ZBTB45: variants seen among roughly 807,000 people sequenced by gnomAD.
ZBTB45 encodes the protein zinc finger and BTB domain-containing protein 45.
ZBTB45 carries 22 observed loss-of-function variants against 28.4 expected under a neutral mutation model. The ratio of observed to expected loss-of-function variants is 0.77; its 90% CI spans 0.55 to 1.10. The LOEUF (loss-of-function observed/expected upper bound fraction) is 1.10, where lower values mean the gene tolerates loss of function less well. Ranked by LOEUF, ZBTB45 falls within the 50% of genes least tolerant of loss-of-function variation. The probability of loss-of-function intolerance (pLI) is 0.00; values close to 1 mark genes in which losing one functional copy is unlikely to be tolerated. For synonymous variants in ZBTB45, 361 were observed against 332.3 expected (o/e 1.09, Z -0.94); for missense variants, 656 against 750.2 (o/e 0.87, Z 1.47).
chr19:58,531,420 C>T (rs746074101), intron 1 of ZBTB45, among the ~76,000 whole-genome samples: 7 of 152,176 alleles, frequency 4.6e-5, no homozygotes, highest in South Asian at 2.1e-4. Context: ...TGTACACTTA[C>T]GGGTTCCCCC....
At chr19:58,517,745 T>C in intron 1 of ZBTB45, 72 bp from the exon 2 acceptor site, 1 of 1,422,748 alleles carries the variant, frequency 7.0e-7, no homozygotes. Flanking sequence ...CCCTGTCCCC[T>C]CACCCCTTGT....
chr19:58,514,015 C>G lies in ZBTB45; in HGVS notation c.*39G>C. 2.9e-6 allele frequency: 4 copies of G among 1,374,318 alleles called. No homozygotes were observed. Among genetic ancestry groups the G allele is most frequent in the Non-Finnish European group, 2.8e-6 (3 of 1,070,368 alleles). 85.1% of individuals were successfully genotyped at this position (1,374,318 alleles called of 1,614,324 possible). ...CGGGCGTGGCCGACTGTGCGGGAGG[C>G]CCCGGATCCACCGTGGGCGAGGCCA... On this transcript the variant is annotated 3_prime_UTR_variant, in exon 3 of 3. Transcript: ENST00000594051.
chr19:58,522,351 G>A (rs1212562544), upstream of ZBTB45, among the ~76,000 whole-genome samples: 3 of 151,014 alleles, frequency 2.0e-5, no homozygotes, highest in Non-Finnish European at 4.4e-5. Flanking sequence ...TAGTAGAGAC[G>A]GTGTTTCACC....
At chr19:58,527,394 T>C (rs372045619) in intron 1 of ZBTB45, among the ~76,000 whole-genome samples, 37 of 152,278 alleles carry the variant, frequency 2.4e-4, no homozygotes, top group African/African-American at 8.2e-4. Flanking sequence ...CTCCATCACC[T>C]CCATGAGATT....
chr19:58,525,363 A>G (rs2053602051), intron 1 of ZBTB45, among the ~76,000 whole-genome samples: 1 of 152,220 alleles, frequency 6.6e-6, no homozygotes, highest in East Asian at 1.9e-4. Context: ...CACTAAGCAT[A>G]TACCTGCAGA....
At chr19:58,536,596 T>C (rs902053895) in intron 1 of ZBTB45, among the ~76,000 whole-genome samples, 7 of 151,926 alleles carry the variant, frequency 4.6e-5, no homozygotes, top group South Asian at 4.1e-4. Flanking sequence ...TGAGCCAAGA[T>C]TGCGCCACTG....
rs1183205742 is a variant in ZBTB45, at chr19:58,514,185, T to A, written c.1405A>T (p.Thr469Ser). ...FQCAVCAKRF[T>S]QKSSLNVHMR... ...TGCACGTTGAGCGAGCTCTTCTGCG[T>A]GAAGCGCTTGGCGCAGACGGCGCAC... is the stretch of plus-strand genomic sequence containing the variant. Residue 469 changes from threonine (T) to serine (S), a missense_variant, in exon 3 of 3, where the codon ACG becomes TCG. Thr to Ser is a moderately conservative substitution (Grantham distance 58). This residue lies in a region of ZBTB45 where 103 missense variants were observed against 153.5 expected (regional missense o/e 0.67). Transcript: ENST00000594051. The A allele has an allele frequency of 1.2e-6, 2 of 1,612,456 alleles. No individual in the cohort carries two copies. The highest frequency in any genetic ancestry group is 8.5e-7 in the Non-Finnish European group (1 of 1,179,596).
rs1196813036 is a variant in ZBTB45, at chr19:58,517,264, G to A, written c.410C>T (p.Pro137Leu). Reference protein sequence around the residue: ...APGTSAPTPLPTPVPPPLAPA... With the variant: ...APGTSAPTPLLTPVPPPLAPA... ...TGCGAGTGGCGGGGGCACAGGGGTGGGCAGGGGCGTGGGCGCAGAGGTGCC... is the reference window on the plus strand; with the variant it reads ...TGCGAGTGGCGGGGGCACAGGGGTGAGCAGGGGCGTGGGCGCAGAGGTGCC... The change falls in exon 2 of 3, where the codon CCC becomes CTC. Residue 137 changes from proline (P) to leucine (L), a missense_variant. Around this residue, in one of 3 missense-constraint regions of ZBTB45, gnomAD observed 448 missense variants for 444.3 expected, o/e 1.01. Coordinates refer to ENST00000594051, the MANE Select transcript of ZBTB45 (RefSeq NM_001316979.2). The A allele has an allele frequency of 1.3e-6, 2 of 1,584,752 alleles. No individual in the cohort carries two copies. Among genetic ancestry groups the A allele is most frequent in the South Asian group, 1.1e-5 (1 of 88,656 alleles).
intron 1 of ZBTB45, among the ~76,000 whole-genome samples, chr19:58,526,089 A>T (rs1161552193): frequency 7.9e-5 from 12 of 152,022 alleles, no homozygotes; most frequent in South Asian, 2.1e-4. Flanking sequence ...TTAGCTGGGC[A>T]TGGTGGCACA....
At chr19:58,535,833 CTCTGGGCTAAGCACAGTGGATGCAG>C (rs1354980202) in intron 1 of ZBTB45, among the ~76,000 whole-genome samples, 2 of 152,164 alleles carry the variant, frequency 1.3e-5, no homozygotes, top group Admixed American at 6.6e-5. Context: ...AAGAAGTGGG[CTCTGGGCTAAGCACAGTGGATGCAG>C]TAGTGAGTAC....
At chr19:58,526,330 C>G (rs1318686539) in intron 1 of ZBTB45, among the ~76,000 whole-genome samples, 1 of 151,922 alleles carries the variant, frequency 6.6e-6, no homozygotes, top group Non-Finnish European at 1.5e-5. Flanking sequence ...CTGCTTCAGC[C>G]TCCTGAGTAG....
intron 1 of ZBTB45, among the ~76,000 whole-genome samples, chr19:58,531,902 G>A (rs747900959): frequency 1.2e-4 from 18 of 152,256 alleles, no homozygotes; most frequent in Non-Finnish European, 1.6e-4. Flanking sequence ...TTCAGGCTCA[G>A]CTAGGACTTT....
intron 2 of ZBTB45, among the ~76,000 whole-genome samples, chr19:58,514,759 C>T (rs1191780121): frequency 6.6e-6 from 1 of 152,172 alleles, no homozygotes; most frequent in Non-Finnish European, 1.5e-5. Context: ...TCCCCCTCAA[C>T]CCCTACCCAC....
At chr19:58,520,848 C>G (rs1220206386), upstream of ZBTB45, among the ~76,000 whole-genome samples, 2 of 150,164 alleles carry the variant, frequency 1.3e-5, no homozygotes, top group African/African-American at 2.5e-5. Flanking sequence ...GTCAGGAGAT[C>G]GAGACCATCC....
Position 58,515,050 on chromosome 19 carries a change from C to T in ZBTB45, c.1280-740G>A, listed in dbSNP as rs1350194505. On this transcript the variant is annotated intron_variant, in intron 2 of 2. Coordinates refer to ENST00000594051, the MANE Select transcript of ZBTB45 (RefSeq NM_001316979.2). This position sits in a 1 kb window ranked among gnomAD's most constrained non-coding sequence, Gnocchi z 4.7. ...TAACAAAATGCCTGTCTCAGCCAGG[C>T]GTGGTGGCTCACACCTGTAATCCCA... 3.3e-5 allele frequency among the ~76,000 whole-genome samples: 5 copies of T among 152,122 alleles called. No individual in the cohort carries two copies. Among genetic ancestry groups the T allele is most frequent in the Non-Finnish European group, 1.5e-5 (1 of 68,026 alleles).
intron 1 of ZBTB45, among the ~76,000 whole-genome samples, chr19:58,537,239 A>C (rs192378317): frequency 6.6e-6 from 1 of 152,062 alleles, no homozygotes; most frequent in Non-Finnish European, 1.5e-5. Context: ...CCATGTGGAC[A>C]ATGGGGCCCC....
intron 1 of ZBTB45, among the ~76,000 whole-genome samples, chr19:58,532,102 A>G (rs2053638231): frequency 6.6e-6 from 1 of 152,050 alleles, no homozygotes; most frequent in African/African-American, 2.4e-5. Context: ...GGCACCCACC[A>G]AGTCCAGGAG....
chr19:58,524,661 A>G (rs1401355764), upstream of ZBTB45, among the ~76,000 whole-genome samples: 3 of 151,898 alleles, frequency 2.0e-5, no homozygotes, highest in African/African-American at 7.3e-5. Context: ...AGGCGGGCGG[A>G]TCACGAGGTC....
Position 58,513,909 on chromosome 19 carries a change from A to C in ZBTB45, c.*145T>G. 1 of 1,011,982 alleles carries C rather than the reference A, an allele frequency of 9.9e-7. No individual in the cohort carries two copies. The allele number at this position is 1,011,982 out of a possible 1,614,324, so 62.7% of individuals were successfully genotyped here. ...GAGTAAGGCGGACTTAGGCCCTGGTATGGAGAAAGGGTGAAGGGAGAGAGA... is the reference window on the plus strand; with the variant it reads ...GAGTAAGGCGGACTTAGGCCCTGGTCTGGAGAAAGGGTGAAGGGAGAGAGA... On this transcript the variant is annotated 3_prime_UTR_variant, in exon 3 of 3. Coordinates refer to ENST00000594051, the MANE Select transcript of ZBTB45 (RefSeq NM_001316979.2).
Sources: allele counts gnomAD v4.1 joint callset (sites outside exome capture counted in the v4.1 genomes callset), GRCh38; gene constraint gnomAD v4.1.1; regional missense constraint gnomAD v4.1.1; non-coding constraint Gnocchi (gnomAD v3.1); transcripts MANE v1.5; gene names NCBI Gene and HGNC (gene_info 2026-07-23, HGNC 2026-07-21).